The following PITPNM3 variants were observed in gnomAD, a reference collection of about 807,000 sequenced individuals.
PITPNM3 encodes PITPNM family member 3.
PITPNM3 carries 26 observed loss-of-function variants against 102.0 expected under a neutral mutation model. That is an observed-to-expected ratio of 0.25 (90% confidence interval 0.19 to 0.35). The LOEUF is 0.35. Among genes scored for constraint, PITPNM3 ranks in the 10% least tolerant of loss-of-function variants. The pLI is 1.00. For synonymous variants in PITPNM3, 578 were observed against 558.6 expected (o/e 1.03, Z -0.49); for missense variants, 1,083 against 1,346.1 (o/e 0.80, Z 3.06).
intron 1 of PITPNM3, among the ~76,000 whole-genome samples, chr17:6,549,534 C>T (rs356042): frequency 0.5 from 76,365 of 152,058 alleles, 19,475 homozygotes; most frequent in East Asian, 0.66. Flanking sequence ...TTGCCACACA[C>T]GCACCCTGTG....
chr17:6,524,032 T>C (rs1908685786), intron 3 of PITPNM3, among the ~76,000 whole-genome samples: 1 of 152,186 alleles, frequency 6.6e-6, no homozygotes, highest in Non-Finnish European at 1.5e-5. Flanking sequence ...GGGTTCTTTG[T>C]TGGTTAGATG....
chr17:6,547,743 C>T (rs575936189), intron 1 of PITPNM3, among the ~76,000 whole-genome samples: 1 of 145,992 alleles, frequency 6.8e-6, no homozygotes, highest in African/African-American at 2.5e-5. Flanking sequence ...CTTTTCTTTT[C>T]TTTTTTTTTT....
At chr17:6,514,173 T>G (rs1908019518) in intron 3 of PITPNM3, among the ~76,000 whole-genome samples, 1 of 152,094 alleles carries the variant, frequency 6.6e-6, no homozygotes, top group South Asian at 2.1e-4. Flanking sequence ...AAAGAAAACA[T>G]GGGGGTAAAT....
At chr17:6,552,958 G>C (rs1005931220) in intron 1 of PITPNM3, among the ~76,000 whole-genome samples, 1 of 151,836 alleles carries the variant, frequency 6.6e-6, no homozygotes, top group Non-Finnish European at 1.5e-5. Flanking sequence ...TTTTAGTAGA[G>C]ACGGGGTTTC....
At chr17:6,521,032 G>A (rs1908479198) in intron 3 of PITPNM3, 1 of 152,332 alleles carries the variant, frequency 6.6e-6, no homozygotes, top group African/African-American at 2.4e-5. Context: ...CAGTTGCAGA[G>A]AGTGACCAAG....
intron 14 of PITPNM3, among the ~76,000 whole-genome samples, chr17:6,466,639 C>T (rs962101284): frequency 6.6e-6 from 1 of 152,180 alleles, no homozygotes; most frequent in Non-Finnish European, 1.5e-5. Context: ...TCATACATTG[C>T]AGTGGGAATG....
chr17:6,511,725 T>C (rs937373359), intron 3 of PITPNM3, among the ~76,000 whole-genome samples: 3 of 152,066 alleles, frequency 2.0e-5, no homozygotes, highest in East Asian at 1.9e-4. Context: ...GGCTCACGCC[T>C]GTAGTCCCAG....
chr17:6,528,187 C>T (rs1196955985), intron 2 of PITPNM3, among the ~76,000 whole-genome samples: 1 of 152,154 alleles, frequency 6.6e-6, no homozygotes, highest in Non-Finnish European at 1.5e-5. Context: ...CCAAGCTCTC[C>T]CATGCTGCCT....
At chr17:6,520,392 T>C (rs924892570) in intron 3 of PITPNM3, among the ~76,000 whole-genome samples, 17 of 152,200 alleles carry the variant, frequency 1.1e-4, no homozygotes, top group African/African-American at 4.1e-4. Flanking sequence ...TGCAGAATGG[T>C]TAAATAAATT....
At chr17:6,463,256 G>C (rs1904562960) in intron 17 of PITPNM3, among the ~76,000 whole-genome samples, 1 of 152,118 alleles carries the variant, frequency 6.6e-6, no homozygotes, top group African/African-American at 2.4e-5. Context: ...TCGAGGTTCT[G>C]ATCACTTGGA....
rs1377620839 is a variant in PITPNM3, at chr17:6,478,446, G to A, written c.777+101C>T. On this transcript the variant is annotated intron_variant, in intron 7 of 19. Transcript: ENST00000262483. The surrounding 1 kb of genome is among the most constrained non-coding windows in gnomAD (Gnocchi z 4.4). ...CACCTTTGGGCTCAGAGGCTGATTC[G>A]AGAACAGCCTGGCCTTGGCCCTTTC... The A allele has an allele frequency of 3.7e-5, 54 of 1,446,388 alleles. No homozygotes were observed. Among genetic ancestry groups the A allele is most frequent in the Non-Finnish European group, 4.7e-5 (49 of 1,046,068 alleles). 89.6% of individuals were successfully genotyped at this position (1,446,388 alleles called of 1,614,324 possible). A position where few individuals can be genotyped will look rare whatever the true frequency, so the allele number is the denominator to read the frequency against.
At chr17:6,539,499 T>C (rs1459186195) in intron 1 of PITPNM3, among the ~76,000 whole-genome samples, 1 of 151,738 alleles carries the variant, frequency 6.6e-6, no homozygotes, top group Non-Finnish European at 1.5e-5. Context: ...AACAACTGAG[T>C]ATAGCAGGAT....
At chr17:6,513,189 A>C (rs1907970133) in intron 3 of PITPNM3, among the ~76,000 whole-genome samples, 1 of 152,214 alleles carries the variant, frequency 6.6e-6, no homozygotes, top group African/African-American at 2.4e-5. Context: ...AAAGATTCAT[A>C]GTTAACATCA....
chr17:6,533,883 A>C (rs764236460), intron 2 of PITPNM3, among the ~76,000 whole-genome samples: 1 of 152,186 alleles, frequency 6.6e-6, no homozygotes, highest in Non-Finnish European at 1.5e-5. Context: ...CCAGAAGAGC[A>C]CCTGGCACTT....
intron 4 of PITPNM3, among the ~76,000 whole-genome samples, chr17:6,501,261 C>T (rs761110686): frequency 1.6e-4 from 24 of 152,174 alleles, no homozygotes; most frequent in Non-Finnish European, 2.8e-4. Context: ...AATGGGGTGA[C>T]ACCCCTATAT....
At chr17:6,482,036 G>GTCTCTCTCTCTCTC (rs1567670360) in intron 6 of PITPNM3, among the ~76,000 whole-genome samples, 5 of 25,842 alleles carry the variant, frequency 1.9e-4, no homozygotes, top group African/African-American at 1.6e-4. Context: ...CTCTCTCTCT[G>GTCTCTCTCTCTCTC]TCTGTCTCTC....
chr17:6,474,591 C>A lies in PITPNM3; in HGVS notation c.1099G>T (p.Val367Leu). 1 of 1,570,782 alleles carries A rather than the reference C, an allele frequency of 6.4e-7. No individual in the cohort carries two copies. Among genetic ancestry groups the A allele is most frequent in the East Asian group, 2.4e-5 (1 of 42,118 alleles). ...GGGGTCTCAGACTCATCCTTTAGCACGCTGGAGTGGATGCTGCGGAGGGAG... is the reference window on the plus strand; with the variant it reads ...GGGGTCTCAGACTCATCCTTTAGCAAGCTGGAGTGGATGCTGCGGAGGGAG... ...HAFLSSIHSS[V>L]LKDESETPAA... is the part of the protein sequence containing the mutation. Residue 367 changes from valine (V) to leucine (L), a missense_variant, in exon 10 of 20, where the codon GTG becomes TTG. Val to Leu is a conservative substitution (Grantham distance 32). This residue lies in a region of PITPNM3 where 172 missense variants were observed against 175.6 expected (regional missense o/e 0.98). Coordinates refer to ENST00000262483, the MANE Select transcript of PITPNM3 (RefSeq NM_031220.4).
chr17:6,476,394 G>A (rs979489588), intron 9 of PITPNM3, among the ~76,000 whole-genome samples: 2 of 152,354 alleles, frequency 1.3e-5, no homozygotes, highest in Middle Eastern at 3.4e-3. Context: ...TTCAATTAAC[G>A]TGTAAGCTGA....
chr17:6,480,092 G>A (rs1461240495), intron 6 of PITPNM3: 1 of 152,224 alleles, frequency 6.6e-6, no homozygotes, highest in African/African-American at 2.4e-5. Flanking sequence ...CAGTGAGCAG[G>A]TGTCAAAGAT....
Sources: allele counts gnomAD v4.1 joint callset (sites outside exome capture counted in the v4.1 genomes callset), GRCh38; gene constraint gnomAD v4.1.1; regional missense constraint gnomAD v4.1.1; non-coding constraint Gnocchi (gnomAD v3.1); transcripts MANE v1.5; gene names NCBI Gene and HGNC (gene_info 2026-07-23, HGNC 2026-07-21).